BMP6: variants seen among roughly 807,000 people sequenced by gnomAD.
BMP6 encodes the protein VG-1-R.
Under a neutral mutation model 54.1 loss-of-function variants are expected in BMP6, and 17 were observed. The observed-to-expected ratio is 0.31, with a 90% CI of 0.22 to 0.47. The LOEUF (loss-of-function observed/expected upper bound fraction) is 0.47. Ranked by LOEUF, BMP6 falls within the 20% of genes least tolerant of loss-of-function variation. The pLI, the probability that BMP6 is intolerant of heterozygous loss-of-function variation, is 1.00. For synonymous variants in BMP6, 328 were observed against 291.2 expected, an observed-to-expected ratio of 1.13 and a Z score of -1.28; for missense variants, 720 against 690.4, an observed-to-expected ratio of 1.04 and a Z score of -0.48.
At chr6:7,733,533 C>T (rs942013220) in intron 1 of BMP6, among the ~76,000 whole-genome samples, 4 of 152,146 alleles carry the variant, frequency 2.6e-5, no homozygotes, top group Admixed American at 6.5e-5. Context: ...CACAGCATAA[C>T]CCAGCCATGT....
chr6:7,864,184 A>C (rs971462936), intron 4 of BMP6, among the ~76,000 whole-genome samples: 2 of 152,138 alleles, frequency 1.3e-5, no homozygotes, highest in Non-Finnish European at 2.9e-5. Context: ...AGTGCTTGCA[A>C]ATTCTGGGGT....
chr6:7,878,424 G>T lies in BMP6; in HGVS notation c.1205-650G>T, dbSNP rs147835046. ...GCTAGTGGCCCCTGTGCTGCACAGG[G>T]TGGGTACATGCACTTCAGCAGAGTC... On this transcript the variant is annotated intron_variant, in intron 4 of 6. Coordinates refer to ENST00000283147, the MANE Select transcript of BMP6 (RefSeq NM_001718.6). Among the ~76,000 whole-genome samples the T allele has an allele frequency of 4.4e-3, 677 of 152,244 alleles. 6 individuals carry two copies. The highest frequency in any genetic ancestry group is 0.017 in the Middle Eastern group (5 of 294).
At chr6:7,819,246 C>A (rs1352402031) in intron 1 of BMP6, among the ~76,000 whole-genome samples, 1 of 152,142 alleles carries the variant, frequency 6.6e-6, no homozygotes, top group Non-Finnish European at 1.5e-5. Context: ...CCTAGTCTTA[C>A]CAGTCTGTCC....
chr6:7,773,045 C>G (rs1172803513), intron 1 of BMP6, among the ~76,000 whole-genome samples: 1 of 152,078 alleles, frequency 6.6e-6, no homozygotes, highest in African/African-American at 2.4e-5. Flanking sequence ...CTTCCAAGGC[C>G]CTCCAAGGGC....
chr6:7,749,410 T>C (rs270413), intron 1 of BMP6, among the ~76,000 whole-genome samples: 60,902 of 152,134 alleles, frequency 0.4, 13,419 homozygotes, highest in Non-Finnish European at 0.5. Context: ...TTTCCCTTCA[T>C]TCCTATTTCC....
At chr6:7,859,616 C>T (rs374798293) in intron 2 of BMP6, among the ~76,000 whole-genome samples, 2 of 152,152 alleles carry the variant, frequency 1.3e-5, no homozygotes, top group Non-Finnish European at 2.9e-5. Context: ...TGTCCTCTTA[C>T]ATCTGACTTC....
At chr6:7,794,361 T>TG (rs1395039010) in intron 1 of BMP6, among the ~76,000 whole-genome samples, 2 of 152,144 alleles carry the variant, frequency 1.3e-5, no homozygotes, top group Non-Finnish European at 2.9e-5. Context: ...ATGTACACTT[T>TG]GGGAGAGGCC....
At chr6:7,788,618 T>C (rs1561771894) in intron 1 of BMP6, among the ~76,000 whole-genome samples, 2 of 152,244 alleles carry the variant, frequency 1.3e-5, no homozygotes, top group African/African-American at 4.8e-5. Context: ...GTCAAAGTTA[T>C]GGACTTTTCT....
intron 2 of BMP6, among the ~76,000 whole-genome samples, chr6:7,855,135 C>G (rs942422654): frequency 2.0e-5 from 3 of 152,210 alleles, no homozygotes; most frequent in African/African-American, 7.2e-5. Flanking sequence ...TTGGTTTGCA[C>G]TGTTTTAGGG....
chr6:7,813,909 G>T (rs551030198), intron 1 of BMP6, among the ~76,000 whole-genome samples: 1 of 151,988 alleles, frequency 6.6e-6, no homozygotes, highest in Admixed American at 6.5e-5. Flanking sequence ...TAGATGTTGC[G>T]ACCACTGGTG....
chr6:7,747,218 C>A (rs763547044), intron 1 of BMP6, among the ~76,000 whole-genome samples: 4 of 152,216 alleles, frequency 2.6e-5, no homozygotes, highest in Non-Finnish European at 5.9e-5. Flanking sequence ...GTGGGCTTCG[C>A]CTCCTGGTGT....
intron 1 of BMP6, among the ~76,000 whole-genome samples, chr6:7,809,299 G>A (rs554966693): frequency 1.3e-5 from 2 of 152,190 alleles, no homozygotes; most frequent in South Asian, 4.2e-4. Flanking sequence ...CCTTGGATCC[G>A]TGGCCAGGAA....
intron 1 of BMP6, among the ~76,000 whole-genome samples, chr6:7,757,748 A>G (rs1460421618): frequency 2.0e-5 from 3 of 152,110 alleles, no homozygotes; most frequent in African/African-American, 7.2e-5. Context: ...TCTGCACCCT[A>G]CCTGGTAATC....
chr6:7,732,978 CCT>C (rs1761893108), intron 1 of BMP6, among the ~76,000 whole-genome samples: 1 of 151,856 alleles, frequency 6.6e-6, no homozygotes, highest in Non-Finnish European at 1.5e-5. Context: ...CTCACTGCAA[CCT>C]CTCCGTCTCC....
intron 2 of BMP6, among the ~76,000 whole-genome samples, chr6:7,856,614 T>TTTTTTG (rs1491363620): frequency 3.2e-5 from 3 of 95,162 alleles, no homozygotes; most frequent in African/African-American, 1.2e-4. Flanking sequence ...TTTTTTTTTT[T>TTTTTTG]GAGACGGAGT....
chr6:7,856,120 T>TAAAAAAAAAAAAAAAA (rs56264814), intron 2 of BMP6, among the ~76,000 whole-genome samples: 1 of 83,658 alleles, frequency 1.2e-5, no homozygotes, highest in Non-Finnish European at 2.2e-5. Flanking sequence ...TCAAAGACTG[T>TAAAAAAAAAAAAAAAA]AAAAAAAAAA....
At chr6:7,862,276 A>AT (rs764158706) in intron 3 of BMP6, 25 bp from the exon 4 acceptor site, 1 of 1,612,750 alleles carries the variant, frequency 6.2e-7, no homozygotes, top group East Asian at 2.2e-5. Flanking sequence ...GAATAAAGAG[A>AT]TGCATGCTTT....
At chr6:7,830,694 A>G (rs267181) in intron 1 of BMP6, among the ~76,000 whole-genome samples, 77,307 of 152,092 alleles carry the variant, frequency 0.51, 20,366 homozygotes, top group East Asian at 0.78. Context: ...ATGATGGAAG[A>G]CAGAGGTACA....
chr6:7,727,757 A>G, intron 1 of BMP6, 138 bp downstream of exon 1: 2 of 1,104,660 alleles, frequency 1.8e-6, no homozygotes, highest in Non-Finnish European at 2.4e-6. Context: ...GGGGACAGGC[A>G]GGCTGTGCTC....
Sources: allele counts gnomAD v4.1 joint callset (sites outside exome capture counted in the v4.1 genomes callset), GRCh38; gene constraint gnomAD v4.1.1; transcripts MANE v1.5; gene names NCBI Gene and HGNC (gene_info 2026-07-23, HGNC 2026-07-21).